The following RHOBTB1 variants were observed in gnomAD, a reference collection of about 807,000 sequenced individuals.
RHOBTB1 encodes the protein rho-related BTB domain-containing protein 1.
Under a neutral mutation model 71.6 loss-of-function variants are expected in RHOBTB1, and 40 were observed. The observed-to-expected ratio is 0.56, with a 90% CI of 0.43 to 0.73. The LOEUF (loss-of-function observed/expected upper bound fraction) is 0.73. Among genes scored for constraint, RHOBTB1 ranks in the 30% least tolerant of loss-of-function variants. RHOBTB1 has a pLI of 0.00. For missense variants in RHOBTB1, 797 were observed against 894.0 expected (o/e 0.89, Z 1.38); for synonymous variants, 319 against 334.9 (o/e 0.95, Z 0.52).
chr10:60,905,616 GATTATT>G (rs2082640220), intron 4 of RHOBTB1, among the ~76,000 whole-genome samples: 3 of 151,944 alleles, frequency 2.0e-5, no homozygotes, highest in Admixed American at 2.0e-4. Flanking sequence ...GTCTTTTTAA[GATTATT>G]ATTATTTACA....
chr10:60,970,805 A>G (rs1291968711), intron 2 of RHOBTB1, among the ~76,000 whole-genome samples: 1 of 152,002 alleles, frequency 6.6e-6, no homozygotes, highest in Non-Finnish European at 1.5e-5. Flanking sequence ...ATGGTTTTCT[A>G]TGTTCATTCT....
chr10:60,877,039 C>CA (rs2081081951), intron 8 of RHOBTB1: 1 of 152,208 alleles, frequency 6.6e-6, no homozygotes, highest in South Asian at 2.1e-4. Context: ...TAACAGGAAT[C>CA]AACTAAACAT....
At chr10:60,871,984 C>T in intron 10 of RHOBTB1, 1 of 635,568 alleles carries the variant, frequency 1.6e-6, no homozygotes, top group Non-Finnish European at 2.8e-6. Flanking sequence ...ACCCAACTCC[C>T]CTCATCATCA....
chr10:60,922,903 G>T (rs541307743), intron 2 of RHOBTB1, among the ~76,000 whole-genome samples: 1 of 152,176 alleles, frequency 6.6e-6, no homozygotes, highest in African/African-American at 2.4e-5. Context: ...AGGTGAGGGG[G>T]TGCTGCCTCT....
At chr10:60,890,518 G>A (rs1263773234) in intron 5 of RHOBTB1, among the ~76,000 whole-genome samples, 1 of 151,994 alleles carries the variant, frequency 6.6e-6, no homozygotes, top group Non-Finnish European at 1.5e-5. Flanking sequence ...TACAGTGCTG[G>A]GGTTATGGCA....
At chr10:60,941,479 G>T (rs1219512267) in intron 2 of RHOBTB1, among the ~76,000 whole-genome samples, 1 of 152,048 alleles carries the variant, frequency 6.6e-6, no homozygotes, top group Non-Finnish European at 1.5e-5. Flanking sequence ...CTAAGATTAG[G>T]ATAGAAGTAA....
At chr10:60,865,737 G>A (rs573651081), downstream of RHOBTB1, among the ~76,000 whole-genome samples, 1 of 152,318 alleles carries the variant, frequency 6.6e-6, no homozygotes, top group East Asian at 1.9e-4. Context: ...CTAAGGTAGG[G>A]AAAGATTTTT....
chr10:60,977,136 G>C (rs1174618829), intron 2 of RHOBTB1, among the ~76,000 whole-genome samples: 1 of 151,956 alleles, frequency 6.6e-6, no homozygotes, highest in Non-Finnish European at 1.5e-5. Flanking sequence ...GAAATTTTTG[G>C]TGCTTTTTCC....
At chr10:60,924,781 T>C (rs1242786170) in intron 2 of RHOBTB1, among the ~76,000 whole-genome samples, 1 of 152,230 alleles carries the variant, frequency 6.6e-6, no homozygotes, top group East Asian at 1.9e-4. Context: ...TAAAAAATTA[T>C]ATCCAGTATC....
chr10:60,965,997 T>A (rs1348061481), intron 2 of RHOBTB1, among the ~76,000 whole-genome samples: 1 of 152,096 alleles, frequency 6.6e-6, no homozygotes, highest in African/African-American at 2.4e-5. Flanking sequence ...AATAAATATA[T>A]AATTTTAAAA....
intron 2 of RHOBTB1, among the ~76,000 whole-genome samples, chr10:60,966,684 T>A (rs913376735): frequency 5.9e-5 from 9 of 151,906 alleles, no homozygotes; most frequent in Non-Finnish European, 1.3e-4. Flanking sequence ...TCTTTTTTTT[T>A]AATCTTTATT....
Position 60,889,986 on chromosome 10 carries a change from T to C in RHOBTB1, c.483-801A>G, listed in dbSNP as rs1388484164. Among the ~76,000 whole-genome samples, 4 of 152,228 alleles carry C rather than the reference T, an allele frequency of 2.6e-5. No individual in the cohort carries two copies. The East Asian group carries it at 5.8e-4, about 22-fold the overall frequency. On this transcript the variant is annotated intron_variant, in intron 5 of 10. Coordinates refer to ENST00000337910, the MANE Select transcript of RHOBTB1 (RefSeq NM_014836.5). ...TTTATAACTTTAAAATCCATTCATA[T>C]ACATTTTTCATGTAAGCCTCACAAT...
At chr10:60,946,047 G>A (rs533185423), upstream of RHOBTB1, among the ~76,000 whole-genome samples, 78 of 152,084 alleles carry the variant, frequency 5.1e-4, no homozygotes, top group Non-Finnish European at 8.2e-4. Flanking sequence ...GCGCGGTGGC[G>A]CACGCCTGTA....
intron 2 of RHOBTB1, among the ~76,000 whole-genome samples, chr10:60,953,865 C>G (rs1398580110): frequency 2.0e-5 from 3 of 152,142 alleles, no homozygotes; most frequent in Non-Finnish European, 4.4e-5. Flanking sequence ...TCAGTTTATA[C>G]TCTTTCTTAC....
At chr10:60,991,430 A>C (rs1229854119) in intron 1 of RHOBTB1, among the ~76,000 whole-genome samples, 1 of 113,540 alleles carries the variant, frequency 8.8e-6, no homozygotes, top group Non-Finnish European at 1.8e-5. Context: ...TTCCCTCAGT[A>C]CTTTTTTTTT....
chr10:60,868,772 A>T (rs1220917848), downstream of RHOBTB1, among the ~76,000 whole-genome samples: 1 of 152,232 alleles, frequency 6.6e-6, no homozygotes, highest in African/African-American at 2.4e-5. Context: ...AGACTTTCTA[A>T]AGGTAAGAAG....
chr10:60,929,112 C>G (rs1317879011), intron 2 of RHOBTB1, among the ~76,000 whole-genome samples: 3 of 152,126 alleles, frequency 2.0e-5, no homozygotes, highest in Non-Finnish European at 4.4e-5. Context: ...AGTTTGCCCC[C>G]ATGATTCAAT....
intron 9 of RHOBTB1, among the ~76,000 whole-genome samples, chr10:60,874,344 ATAATC>A (rs1285939758): frequency 6.6e-6 from 1 of 152,200 alleles, no homozygotes; most frequent in Non-Finnish European, 1.5e-5. Flanking sequence ...CATTCTCAGA[ATAATC>A]TGTAAGGTTG....
chr10:60,969,393 G>T (rs1159600181), intron 2 of RHOBTB1, among the ~76,000 whole-genome samples: 1 of 152,078 alleles, frequency 6.6e-6, no homozygotes, highest in Non-Finnish European at 1.5e-5. Flanking sequence ...TCCTGTTTTT[G>T]CAATACCCTG....
Sources: allele counts gnomAD v4.1 joint callset (sites outside exome capture counted in the v4.1 genomes callset), GRCh38; gene constraint gnomAD v4.1.1; transcripts MANE v1.5; gene names NCBI Gene and HGNC (gene_info 2026-07-23, HGNC 2026-07-21).